Variants in LTBP2 observed in about 807,000 individuals in gnomAD.
LTBP2 encodes the protein latent transforming growth factor beta binding protein 2.
Under a neutral mutation model 210.6 loss-of-function variants are expected in LTBP2, and 103 were observed. The ratio of observed to expected loss-of-function variants is 0.49; its 90% CI spans 0.42 to 0.58. The LOEUF (loss-of-function observed/expected upper bound fraction) is 0.58. LTBP2 is among the 20% of genes least tolerant of loss of function. The pLI, the probability that LTBP2 is intolerant of heterozygous loss-of-function variation, is 0.00. For missense variants in LTBP2, 2,313 were observed against 2,494.5 expected (o/e 0.93, Z 1.55); for synonymous variants, 1,007 against 1,015.0 (o/e 0.99, Z 0.15).
At chr14:74,590,639 T>C (rs993398761) in intron 2 of LTBP2, among the ~76,000 whole-genome samples, 3 of 152,268 alleles carry the variant, frequency 2.0e-5, no homozygotes, top group Non-Finnish European at 2.9e-5. Context: ...ATATACACCA[T>C]GGAATATTAC....
intron 2 of LTBP2, among the ~76,000 whole-genome samples, chr14:74,596,124 C>T (rs1227622697): frequency 6.6e-6 from 1 of 151,970 alleles, no homozygotes; most frequent in Non-Finnish European, 1.5e-5. Context: ...ACTTGAGAGG[C>T]TGAGGGAGGA....
At position 74,600,618 on chromosome 14, in the gene LTBP2, A is replaced by G. The variant is rs544291337; in HGVS notation, c.565+3017T>C. 3.9e-5 allele frequency among the ~76,000 whole-genome samples: 6 copies of G among 152,222 alleles called. No individual in the cohort carries two copies. The East Asian group carries it at 1.2e-3, about 29-fold the overall frequency. On this transcript the variant is annotated intron_variant, in intron 2 of 35. Coordinates refer to ENST00000261978, the MANE Select transcript of LTBP2 (RefSeq NM_000428.3). ...GAGGGCCCAAGTGAGACCTATGCCC[A>G]GACCCCTGGGGCAGCTGGGGAAAGG...
chr14:74,600,386 C>T (rs76256344), intron 2 of LTBP2, among the ~76,000 whole-genome samples: 2,654 of 152,224 alleles, frequency 0.017, 81 homozygotes, highest in African/African-American at 0.061. Flanking sequence ...AGAGAAATAC[C>T]AGGGGAGAAG....
At chr14:74,521,805 A>G in intron 17 of LTBP2, 106 bp downstream of exon 17, 4 of 1,467,816 alleles carry the variant, frequency 2.7e-6, no homozygotes, top group Non-Finnish European at 3.8e-6. Flanking sequence ...TCAGCTGCCC[A>G]CTCCCCATTC....
At chr14:74,568,981 T>C (rs1195114934) in intron 3 of LTBP2, among the ~76,000 whole-genome samples, 1 of 152,094 alleles carries the variant, frequency 6.6e-6, no homozygotes, top group East Asian at 1.9e-4. Context: ...CTACCCCTAT[T>C]ACCCACACTG....
chr14:74,579,274 C>T lies in LTBP2; in HGVS notation c.830+6580G>A, dbSNP rs768274517. On this transcript the variant is annotated intron_variant, in intron 3 of 35. Transcript: ENST00000261978. The stretch of plus-strand genomic sequence containing the variant: ...CTAGGAAGGGATGCCTGGGTCTCCC[C>T]GGCAGTGGCTCTGGGGCAGCAATCT... 4.6e-5 allele frequency among the ~76,000 whole-genome samples: 7 copies of T among 152,344 alleles called. No homozygotes were observed. In the South Asian group the frequency reaches 1.2e-3, roughly 27 times the overall value.
chr14:74,510,342 G>C, intron 19 of LTBP2, 129 bp from the exon 20 acceptor site: 1 of 1,284,426 alleles, frequency 7.8e-7, no homozygotes, highest in Non-Finnish European at 1.1e-6. Flanking sequence ...GCCACCTGGG[G>C]AGGCCATGAG....
rs7569 is a variant in LTBP2, at chr14:74,500,060, G to A, written c.*824C>T. On this transcript the variant is annotated 3_prime_UTR_variant, in exon 36 of 36. Transcript: ENST00000261978. Reference sequence around the variant, plus strand: ...GTAATAGAGGTCTTTGTAGATGGGTGCTGTATCCCATGGCAGCCCTTGCTG... The same window carrying A: ...GTAATAGAGGTCTTTGTAGATGGGTACTGTATCCCATGGCAGCCCTTGCTG... 0.37 allele frequency: 84,864 copies of A among 232,346 alleles called. 16,886 individuals carry two copies. Among genetic ancestry groups the A allele is most frequent in the Non-Finnish European group, 0.43 (50,662 of 117,680 alleles). 14.4% of individuals were successfully genotyped at this position (232,346 alleles called of 1,614,324 possible).
chr14:74,569,828 G>A (rs1265262268), intron 3 of LTBP2, among the ~76,000 whole-genome samples: 2 of 152,076 alleles, frequency 1.3e-5, no homozygotes, highest in African/African-American at 4.8e-5. Flanking sequence ...AGAAATTTGC[G>A]GCATGAAGGA....
intron 8 of LTBP2, among the ~76,000 whole-genome samples, chr14:74,537,548 G>A (rs1259950558): frequency 6.6e-6 from 1 of 152,184 alleles, no homozygotes; most frequent in Non-Finnish European, 1.5e-5. Flanking sequence ...TGTGGCAATA[G>A]CTTGTCTCTG....
intron 3 of LTBP2, among the ~76,000 whole-genome samples, chr14:74,564,309 A>ATATATATATT: frequency 7.1e-5 from 1 of 14,058 alleles, no homozygotes; most frequent in South Asian, 2.1e-3. Context: ...ATATATATTT[A>ATATATATATT]TATATATATT....
intron 3 of LTBP2, among the ~76,000 whole-genome samples, chr14:74,573,806 A>G (rs1265705322): frequency 2.6e-5 from 4 of 152,138 alleles, no homozygotes; most frequent in Non-Finnish European, 4.4e-5. Flanking sequence ...GCACTTACCT[A>G]TGTGAGCCGG....
At chr14:74,554,973 G>C (rs577299318) in intron 4 of LTBP2, among the ~76,000 whole-genome samples, 1 of 152,092 alleles carries the variant, frequency 6.6e-6, no homozygotes, top group East Asian at 1.9e-4. Context: ...CGGGAAAGGA[G>C]GGGAGGGGAG....
In LTBP2 at chr14:74,611,894, G is replaced by C; in HGVS notation, c.51C>G (p.Pro17=). ...GGGTGAGCGGCAGGAAGCCTCTCCA[G>C]GGGTTCCGCAGGGCGCGCCCCGGGC... ...ARSPGRALRN[P]WRGFLPLTLA... is the part of the protein sequence containing the mutation. The change falls in exon 1 of 36, where the codon CCC becomes CCG. Residue 17 remains proline (P), a synonymous_variant. Transcript: ENST00000261978. 6.2e-7 allele frequency: 1 copy of C among 1,603,054 alleles called. No individual in the cohort carries two copies. The highest frequency in any genetic ancestry group is 8.5e-7 in the Non-Finnish European group (1 of 1,177,144).
rs545410610 is a variant in LTBP2 at position 74,566,631 on chromosome 14, G to A, written c.831-10938C>T. ...ATAGGGAGACGAGTAGGGACAGCAT[G>A]TTCAACGGGCCCAGAGCCTGGATTG... On this transcript the variant is annotated intron_variant, in intron 3 of 35. Coordinates refer to ENST00000261978, the MANE Select transcript of LTBP2 (RefSeq NM_000428.3). Among the ~76,000 whole-genome samples the A allele has an allele frequency of 5.9e-5, 9 of 152,298 alleles. No individual in the cohort carries two copies. In the East Asian group the frequency reaches 9.6e-4, roughly 16 times the overall value.
In LTBP2 at chr14:74,552,993, C is replaced by T. The variant is rs1334150649; in HGVS notation, c.1091G>A (p.Cys364Tyr). Reference sequence around the variant, plus strand: ...GCTGTTGGCACAGTGTCCACGGGCACAGGTCTGCTTGCAGATGGTGGGAGT... The same window carrying T: ...GCTGTTGGCACAGTGTCCACGGGCATAGGTCTGCTTGCAGATGGTGGGAGT... ...VFTPTICKQT[C>Y]ARGHCANSCE... is the part of the protein sequence containing the mutation. Residue 364 changes from cysteine (C) to tyrosine (Y), a missense_variant, in exon 5 of 36, where the codon TGT becomes TAT. Cys to Tyr is a radical substitution (Grantham distance 194, BLOSUM62 -2). Transcript: ENST00000261978. The T allele has an allele frequency of 1.2e-6, 2 of 1,614,220 alleles. No homozygotes were observed. Among genetic ancestry groups the T allele is most frequent in the Non-Finnish European group, 1.7e-6 (2 of 1,180,022 alleles).
chr14:74,505,714 A>G (rs2086973830), intron 28 of LTBP2, among the ~76,000 whole-genome samples: 1 of 152,138 alleles, frequency 6.6e-6, no homozygotes, highest in African/African-American at 2.4e-5. Context: ...TTCAGCTCCA[A>G]GTCCTCTCTC....
intron 18 of LTBP2, among the ~76,000 whole-genome samples, chr14:74,513,600 C>G (rs540906212): frequency 5.6e-4 from 85 of 152,252 alleles, no homozygotes; most frequent in African/African-American, 1.8e-3. Context: ...GTCAGGAGTT[C>G]AAGACTAGCC....
chr14:74,609,883 G>T (rs1266318022), intron 1 of LTBP2, among the ~76,000 whole-genome samples: 3 of 152,246 alleles, frequency 2.0e-5, no homozygotes, highest in Non-Finnish European at 4.4e-5. Flanking sequence ...CTGCACGCAG[G>T]ATCCTTGGAA....
Sources: allele counts gnomAD v4.1 joint callset (sites outside exome capture counted in the v4.1 genomes callset), GRCh38; gene constraint gnomAD v4.1.1; transcripts MANE v1.5; gene names NCBI Gene and HGNC (gene_info 2026-07-23, HGNC 2026-07-21).